Variants in CNTN4 observed in about 807,000 individuals in gnomAD.
The protein encoded by CNTN4 is contactin-4.
CNTN4 carries 77 observed loss-of-function variants against 122.5 expected under a neutral mutation model. That is an observed-to-expected ratio of 0.63 (90% CI 0.52 to 0.76). CNTN4 has a LOEUF of 0.76. Ranked by LOEUF, CNTN4 falls within the 30% of genes least tolerant of loss-of-function variation. CNTN4 has a pLI of 0.00. For synonymous variants in CNTN4, 512 were observed against 447.0 expected (o/e 1.15, Z -1.83); for missense variants, 1,256 against 1,259.1 (o/e 1.00, Z 0.04).
At chr3:2,491,020 A>G (rs1000350627) in intron 3 of CNTN4, among the ~76,000 whole-genome samples, 22 of 152,136 alleles carry the variant, frequency 1.4e-4, no homozygotes, top group Middle Eastern at 3.4e-3. Context: ...AATAGGGGGG[A>G]AAAATCAGTC....
intron 6 of CNTN4, among the ~76,000 whole-genome samples, chr3:2,749,460 C>A (rs141258182): frequency 0.015 from 2,210 of 152,070 alleles, 27 homozygotes; most frequent in Non-Finnish European, 0.021. Flanking sequence ...CTTTGCCCAG[C>A]TCATTTACCA....
intron 2 of CNTN4, among the ~76,000 whole-genome samples, chr3:2,255,303 C>T (rs1368238766): frequency 6.6e-6 from 1 of 151,860 alleles, no homozygotes; most frequent in Non-Finnish European, 1.5e-5. Flanking sequence ...TGGAGACCTA[C>T]AAAGAGACTT....
chr3:2,458,761 A>G (rs1251573679), intron 3 of CNTN4, among the ~76,000 whole-genome samples: 1 of 152,044 alleles, frequency 6.6e-6, no homozygotes, highest in Non-Finnish European at 1.5e-5. Flanking sequence ...TTCCTTTTTA[A>G]ATGGATTTTT....
intron 3 of CNTN4, among the ~76,000 whole-genome samples, chr3:2,505,239 CAG>C (rs1292091772): frequency 1.3e-5 from 2 of 151,934 alleles, no homozygotes; most frequent in South Asian, 2.1e-4. Context: ...ATGAGTATGA[CAG>C]AGAGAGAAGG....
chr3:2,973,986 C>T (rs1394199124), intron 13 of CNTN4, among the ~76,000 whole-genome samples: 1 of 152,180 alleles, frequency 6.6e-6, no homozygotes, highest in Admixed American at 6.5e-5. Flanking sequence ...TTGGATGGTA[C>T]ACAGTATACA....
chr3:2,699,313 TC>T (rs1259911854), intron 4 of CNTN4, among the ~76,000 whole-genome samples: 8 of 152,182 alleles, frequency 5.3e-5, no homozygotes, highest in Non-Finnish European at 8.8e-5. Context: ...ACAGTCTGTC[TC>T]CTAGGCACCT....
chr3:3,014,086 A>C (rs567182913), intron 14 of CNTN4, among the ~76,000 whole-genome samples: 178 of 135,054 alleles, frequency 1.3e-3, no homozygotes, highest in Middle Eastern at 7.8e-3. Flanking sequence ...ACACACACAC[A>C]CCCCTAGGGG....
intron 3 of CNTN4, among the ~76,000 whole-genome samples, chr3:2,343,176 C>T (rs1484976967): frequency 6.6e-6 from 1 of 152,112 alleles, no homozygotes; most frequent in Non-Finnish European, 1.5e-5. Context: ...GCAGGGTAAA[C>T]CTAAGGGCAA....
chr3:2,776,275 T>TTTTC (rs1491207423), intron 6 of CNTN4, among the ~76,000 whole-genome samples: 9 of 7,434 alleles, frequency 1.2e-3, no homozygotes, highest in Admixed American at 2.3e-3. Flanking sequence ...TAAGTGTTTC[T>TTTTC]TTTTTTTTTT....
chr3:2,726,328 A>G (rs1005622271), intron 4 of CNTN4, among the ~76,000 whole-genome samples: 1 of 152,220 alleles, frequency 6.6e-6, no homozygotes, highest in African/African-American at 2.4e-5. Context: ...GGTCAGGCCA[A>G]TTGATAATGT....
chr3:2,684,798 G>C (rs943358705), intron 4 of CNTN4, among the ~76,000 whole-genome samples: 3 of 152,092 alleles, frequency 2.0e-5, no homozygotes, highest in African/African-American at 7.2e-5. Context: ...TGCCCATGTT[G>C]TTTTGTTGTA....
chr3:2,438,989 A>G (rs1368545852), intron 3 of CNTN4, among the ~76,000 whole-genome samples: 1 of 152,234 alleles, frequency 6.6e-6, no homozygotes, highest in African/African-American at 2.4e-5. Context: ...AAACTAGGAT[A>G]GTCCAGGCTA....
rs559841999 is a variant in CNTN4 at position 2,189,800 on chromosome 3, C to T, written c.-145+89161C>T. ...AATGCTCTTTGTGAAACTCTAATAA[C>T]GAACTTTCAGTGAGTGATTCTCAGG... On this transcript the variant is annotated intron_variant, in intron 2 of 24. Coordinates refer to ENST00000418658, the MANE Select transcript of CNTN4 (RefSeq NM_175607.3). 5.8e-4 allele frequency among the ~76,000 whole-genome samples: 89 copies of T among 152,248 alleles called. 1 individual carries two copies. The highest frequency in any genetic ancestry group is 2.1e-3 in the African/African-American group (87 of 41,540).
intron 2 of CNTN4, among the ~76,000 whole-genome samples, chr3:2,170,071 C>T (rs62246969): frequency 0.12 from 17,773 of 151,826 alleles, 1,219 homozygotes; most frequent in South Asian, 0.2. Context: ...CCTGTAATCC[C>T]AGCACTTTGG....
rs572312574 is a variant in CNTN4 at position 2,637,630 on chromosome 3, C to T, written c.55+66072C>T. Among the ~76,000 whole-genome samples, 6 of 152,258 alleles carry T rather than the reference C, an allele frequency of 3.9e-5. No individual in the cohort carries two copies. The South Asian group carries it at 1.0e-3, about 26-fold the overall frequency. ...CTGAAGGTACCTCTGCTGTCTGTGT[C>T]TCTTGGGATTTGAATTCATCCTCTT... On this transcript the variant is annotated intron_variant, in intron 4 of 24. Coordinates refer to ENST00000418658, the MANE Select transcript of CNTN4 (RefSeq NM_175607.3).
chr3:2,381,076 G>T (rs1976358), intron 3 of CNTN4, among the ~76,000 whole-genome samples: 50,097 of 151,298 alleles, frequency 0.33, 8,490 homozygotes, highest in Middle Eastern at 0.46. Flanking sequence ...CACAATCTCG[G>T]CTCACTGCAA....
At chr3:2,700,287 T>C (rs2086285818) in intron 4 of CNTN4, among the ~76,000 whole-genome samples, 1 of 152,228 alleles carries the variant, frequency 6.6e-6, no homozygotes, top group Admixed American at 6.5e-5. Context: ...AGTAAAACTG[T>C]GATCCAGAAG....
intron 4 of CNTN4, among the ~76,000 whole-genome samples, chr3:2,577,303 A>T (rs1446639373): frequency 6.6e-6 from 1 of 152,212 alleles, no homozygotes; most frequent in Non-Finnish European, 1.5e-5. Flanking sequence ...AAACAGCTTT[A>T]ACAGAGATGA....
At chr3:2,454,906 G>A (rs763687885) in intron 3 of CNTN4, among the ~76,000 whole-genome samples, 11 of 152,162 alleles carry the variant, frequency 7.2e-5, no homozygotes, top group Non-Finnish European at 1.0e-4. Context: ...TAAGTAGTGG[G>A]TGAGTAATTT....
Sources: gnomAD v4.1 joint callset for allele counts (sites outside exome capture counted in the v4.1 genomes callset) on GRCh38, gnomAD v4.1.1 for gene constraint, MANE v1.5 for transcripts, NCBI Gene and HGNC (gene_info 2026-07-23, HGNC 2026-07-21) for gene names.